TASP1: variants seen among roughly 807,000 people sequenced by gnomAD.
TASP1 encodes the protein taspase 1, also known as threonine aspartase 1.
Under a neutral mutation model 56.6 loss-of-function variants are expected in TASP1, and 16 were observed. The ratio of observed to expected loss-of-function variants is 0.28; its 90% CI spans 0.19 to 0.43. TASP1 has a LOEUF of 0.43. Among genes scored for constraint, TASP1 ranks in the 20% least tolerant of loss-of-function variants. The probability of loss-of-function intolerance (pLI) is 1.00; values close to 1 mark genes in which losing one functional copy is unlikely to be tolerated. For synonymous variants in TASP1, 179 were observed against 184.2 expected, an observed-to-expected ratio of 0.97 and a Z score of 0.23; for missense variants, 393 against 511.6, an observed-to-expected ratio of 0.77 and a Z score of 2.24.
At chr20:13,440,958 C>A (rs1225766494) in intron 11 of TASP1, among the ~76,000 whole-genome samples, 2 of 152,192 alleles carry the variant, frequency 1.3e-5, no homozygotes, top group Non-Finnish European at 2.9e-5. Flanking sequence ...AAACCTCCAT[C>A]CCAGCAGTAC....
rs544095727 is a variant in TASP1 at position 13,539,005 on chromosome 20, G to A, written c.676-4864C>T. Among the ~76,000 whole-genome samples, 175 of 152,132 alleles carry A rather than the reference G, an allele frequency of 1.2e-3. 1 individual carries two copies. Among genetic ancestry groups the A allele is most frequent in the Middle Eastern group, 3.4e-3 (1 of 294 alleles). On this transcript the variant is annotated intron_variant, in intron 8 of 13. Transcript: ENST00000337743. ...GGAGGTTGCAGTGAGCCGAGATCAC[G>A]CCACTGCACTCCAGCCTGGGTGACA...
intron 7 of TASP1, among the ~76,000 whole-genome samples, chr20:13,561,463 T>G (rs935702658): frequency 6.6e-6 from 1 of 152,084 alleles, no homozygotes; most frequent in African/African-American, 2.4e-5. Context: ...CCTCCCAGGT[T>G]CAAGCAATTC....
the TASP1 span, chr20:13,299,308 A>G: frequency 1.2e-6 from 2 of 1,613,782 alleles, no homozygotes; most frequent in Non-Finnish European, 1.7e-6. This position sits in a 1 kb window ranked among gnomAD's most constrained non-coding sequence, Gnocchi z 5.8. Flanking sequence ...GCGGAGCTCC[A>G]CTACAAGGTG....
chr20:13,604,577 G>A lies in TASP1; in HGVS notation c.283-17207C>T, dbSNP rs536806832. On this transcript the variant is annotated intron_variant, in intron 4 of 13. Coordinates refer to ENST00000337743, the MANE Select transcript of TASP1 (RefSeq NM_017714.3). Reference sequence around the variant, plus strand: ...CTCAGGTATTCCTTTATAGCAATGCGAAAGCAACTAATACAGCAGTGGTTC... The same window carrying A: ...CTCAGGTATTCCTTTATAGCAATGCAAAAGCAACTAATACAGCAGTGGTTC... Among the ~76,000 whole-genome samples, 50 of 152,188 alleles carry A rather than the reference G, an allele frequency of 3.3e-4. No individual in the cohort carries two copies. The South Asian group carries it at 1.0e-2, about 30-fold the overall frequency.
the TASP1 span, among the ~76,000 whole-genome samples, chr20:13,338,481 C>A: frequency 6.6e-6 from 1 of 152,154 alleles, no homozygotes; most frequent in African/African-American, 2.4e-5. Flanking sequence ...GGGAATGCAG[C>A]CCAGTAGGTC....
chr20:13,242,761 G>T, the TASP1 span, among the ~76,000 whole-genome samples: 2 of 152,100 alleles, frequency 1.3e-5, no homozygotes, highest in Non-Finnish European at 1.5e-5. Context: ...CTTGAGCCTT[G>T]ATAGGTGAGG....
At chr20:13,481,127 A>T (rs2043126694) in intron 11 of TASP1, among the ~76,000 whole-genome samples, 1 of 151,906 alleles carries the variant, frequency 6.6e-6, no homozygotes, top group Non-Finnish European at 1.5e-5. Context: ...CATGAGTTCA[A>T]TTGTTTTGAT....
the TASP1 span, among the ~76,000 whole-genome samples, chr20:13,256,734 C>G: frequency 6.6e-6 from 1 of 152,180 alleles, no homozygotes; most frequent in Non-Finnish European, 1.5e-5. Flanking sequence ...TGTTTACACC[C>G]CTAGTAAGTA....
chr20:13,153,782 G>C, the TASP1 span, among the ~76,000 whole-genome samples: 1 of 152,060 alleles, frequency 6.6e-6, no homozygotes, highest in Non-Finnish European at 1.5e-5. Flanking sequence ...GCAGCACCTC[G>C]TAGAACCCTC....
At chr20:13,378,188 C>T in the TASP1 span, among the ~76,000 whole-genome samples, 1 of 152,096 alleles carries the variant, frequency 6.6e-6, no homozygotes, top group African/African-American at 2.4e-5. Context: ...TTAGATCTTT[C>T]CTGCTTTTTC....
At chr20:13,511,602 TTTA>T (rs975169823) in intron 10 of TASP1, among the ~76,000 whole-genome samples, 12 of 152,068 alleles carry the variant, frequency 7.9e-5, no homozygotes, top group Non-Finnish European at 1.3e-4. Flanking sequence ...TCCGGGTTTT[TTTA>T]TTATTATTAT....
the TASP1 span, among the ~76,000 whole-genome samples, chr20:13,327,427 A>G: frequency 6.6e-6 from 1 of 152,144 alleles, no homozygotes; most frequent in Admixed American, 6.5e-5. Context: ...ACTACCATCG[A>G]CATTCTTCAC....
In TASP1 at chr20:13,430,818, T is replaced by C. The variant is rs565435990; in HGVS notation, c.1096+4226A>G. ...TCATACCTGAGATTCTCCGATTCTA[T>C]TCATGAATCAGTAGACAAAGGGCAA... On this transcript the variant is annotated intron_variant, in intron 12 of 13. Transcript: ENST00000337743. Among the ~76,000 whole-genome samples, 4 of 152,200 alleles carry C rather than the reference T, an allele frequency of 2.6e-5. No homozygotes were observed. The East Asian group carries it at 7.7e-4, about 29-fold the overall frequency.
intron 12 of TASP1, among the ~76,000 whole-genome samples, chr20:13,418,762 G>A (rs1244632438): frequency 6.6e-6 from 1 of 152,180 alleles, no homozygotes; most frequent in Non-Finnish European, 1.5e-5. Flanking sequence ...GCACAAATCA[G>A]TACCATGTGC....
chr20:13,198,732 C>T, the TASP1 span, among the ~76,000 whole-genome samples: 2 of 151,900 alleles, frequency 1.3e-5, no homozygotes, highest in African/African-American at 4.8e-5. Flanking sequence ...GTAACTGGCC[C>T]CACTGCTCTG....
chr20:13,532,779 G>A (rs6109928), intron 9 of TASP1, among the ~76,000 whole-genome samples: 1 of 152,118 alleles, frequency 6.6e-6, no homozygotes, highest in Admixed American at 6.5e-5. Context: ...ATGCATCAAA[G>A]GTGACTCTGC....
At chr20:13,457,665 T>C (rs994444498) in intron 11 of TASP1, among the ~76,000 whole-genome samples, 1 of 152,150 alleles carries the variant, frequency 6.6e-6, no homozygotes, top group Non-Finnish European at 1.5e-5. Context: ...TCTTAAATAG[T>C]CATTAATCAT....
At chr20:13,422,101 A>G (rs978475364) in intron 12 of TASP1, among the ~76,000 whole-genome samples, 2 of 151,482 alleles carry the variant, frequency 1.3e-5, no homozygotes, top group Non-Finnish European at 2.9e-5. Flanking sequence ...ACAGGCGCCC[A>G]CCACCACGCC....
At chr20:13,378,878 A>C in the TASP1 span, among the ~76,000 whole-genome samples, 17 of 152,252 alleles carry the variant, frequency 1.1e-4, no homozygotes, top group African/African-American at 4.1e-4. Flanking sequence ...CTATTTTATC[A>C]AATACTAAGA....
Sources: allele counts gnomAD v4.1 joint callset (sites outside exome capture counted in the v4.1 genomes callset), GRCh38; gene constraint gnomAD v4.1.1; non-coding constraint Gnocchi (gnomAD v3.1); transcripts MANE v1.5; gene names NCBI Gene and HGNC (gene_info 2026-07-23, HGNC 2026-07-21).